The following STX1B variants were observed in gnomAD, a reference collection of about 807,000 sequenced individuals.
STX1B encodes the protein syntaxin 1B, also known as syntaxin-1B.
STX1B carries 7 observed loss-of-function variants against 39.4 expected under a neutral mutation model. The observed-to-expected ratio is 0.18, with a 90% CI of 0.10 to 0.33. The LOEUF is 0.33. Among genes scored for constraint, STX1B ranks in the 10% least tolerant of loss-of-function variants. The probability of loss-of-function intolerance (pLI) is 1.00; values close to 1 mark genes in which losing one functional copy is unlikely to be tolerated. For synonymous variants in STX1B, 136 were observed against 144.1 expected (o/e 0.94, Z 0.40); for missense variants, 198 against 383.2 (o/e 0.52, Z 4.04).
chr16:30,997,725 G>A (rs1413224205), intron 4 of STX1B, 150 bp from the exon 5 acceptor site: 3 of 701,806 alleles, frequency 4.3e-6, no homozygotes, highest in Non-Finnish European at 4.8e-6. Context: ...GGTGCCCCAG[G>A]GTGGTGTTAG....
intron 1 of STX1B, among the ~76,000 whole-genome samples, chr16:31,003,637 T>C (rs1198588652): frequency 2.6e-5 from 4 of 152,136 alleles, no homozygotes; most frequent in Admixed American, 6.6e-5. Context: ...AAAATCTAAT[T>C]TCAATCTCTC....
rs2056628142 is a variant in STX1B at position 31,001,404 on chromosome 16, T to A, written c.105+125A>T. 1 of 826,854 alleles carries A rather than the reference T, an allele frequency of 1.2e-6. No homozygotes were observed. Among genetic ancestry groups the A allele is most frequent in the South Asian group, 1.7e-5 (1 of 58,902 alleles). 51.2% of individuals were successfully genotyped at this position (826,854 alleles called of 1,614,324 possible). The stretch of plus-strand genomic sequence containing the variant: ...CGGGGCTGCGGCTGGGCGGTGGGAC[T>A]AGGGGCTGGGGCTGGGTGCTGGGGC... On this transcript the variant is annotated intron_variant, in intron 2 of 9. Transcript: ENST00000215095. This position sits in a 1 kb window ranked among gnomAD's most constrained non-coding sequence, Gnocchi z 5.5.
intron 4 of STX1B, among the ~76,000 whole-genome samples, chr16:30,998,764 G>A (rs925530473): frequency 2.6e-5 from 4 of 152,102 alleles, no homozygotes; most frequent in Non-Finnish European, 5.9e-5. Flanking sequence ...TTCTTTCTTG[G>A]TCTATTCCTG....
intron 6 of STX1B, 32 bp downstream of exon 6, chr16:30,996,919 G>C: frequency 6.3e-7 from 1 of 1,590,352 alleles, no homozygotes; most frequent in Non-Finnish European, 8.6e-7. Context: ...GCCTCAAGGA[G>C]TTCGGGGTCC....
chr16:31,007,872 T>A (rs914206329), intron 1 of STX1B, among the ~76,000 whole-genome samples: 2 of 152,146 alleles, frequency 1.3e-5, no homozygotes, highest in Non-Finnish European at 2.9e-5. Flanking sequence ...ACAGGCACTC[T>A]TACTTCTCCC....
chr16:30,992,962 G>T lies in STX1B; in HGVS notation c.787-61C>A. ...GAGAGAGATCGACACACGGACAGAT[G>T]CAGGGACAGACAGGGCAGAGGGTGG... is the stretch of plus-strand genomic sequence containing the variant. On this transcript the variant is annotated intron_variant, in intron 9 of 9. Transcript: ENST00000215095. 2.1e-6 allele frequency: 3 copies of T among 1,458,580 alleles called. No homozygotes were observed. In the South Asian group the frequency reaches 3.4e-5, roughly 17 times the overall value. 90.4% of individuals were successfully genotyped at this position (1,458,580 alleles called of 1,614,324 possible).
At position 30,994,255 on chromosome 16, in the gene STX1B, G is replaced by A. The variant is rs148053223; in HGVS notation, c.538-771C>T. ...TGCAGTGAGCCGAGATTGCGCCACT[G>A]CACTCCAGCCTGAGCCACAGAGCGA... On this transcript the variant is annotated intron_variant, in intron 7 of 9. Coordinates refer to ENST00000215095, the MANE Select transcript of STX1B (RefSeq NM_052874.5). Among the ~76,000 whole-genome samples the A allele has an allele frequency of 4.5e-3, 670 of 149,840 alleles. 6 individuals are homozygous for A. The highest frequency in any genetic ancestry group is 0.016 in the African/African-American group (652 of 40,644).
In STX1B at chr16:30,992,921, G is replaced by A. The variant is rs774793380; in HGVS notation, c.787-20C>T. 1.2e-5 allele frequency: 19 copies of A among 1,601,786 alleles called. No individual in the cohort carries two copies. The highest frequency in any genetic ancestry group is 1.6e-5 in the Non-Finnish European group (19 of 1,169,134). On this transcript the variant is annotated intron_variant, in intron 9 of 9. Transcript: ENST00000215095. ...TTTCTTCTGCAGCAGAAAGAGGAGT[G>A]AGACAGGCAGACAGTGAGAGAGATC...
chr16:31,010,385 C>A lies in STX1B; in HGVS notation c.12G>T (p.Arg4=). MKD[R]TQELRSAKDS... Reference sequence around the variant, plus strand: ...AGCTCACACTCCGCAGCTCTTGAGTCCGATCCTTCATCCTGCGACGGCTCC... The same window carrying A: ...AGCTCACACTCCGCAGCTCTTGAGTACGATCCTTCATCCTGCGACGGCTCC... Residue 4 remains arginine (R), a synonymous_variant, in exon 1 of 10, where the codon CGG becomes CGT. Transcript: ENST00000215095. 6.7e-7 allele frequency: 1 copy of A among 1,494,506 alleles called. No individual in the cohort carries two copies. Among genetic ancestry groups the A allele is most frequent in the Non-Finnish European group, 9.0e-7 (1 of 1,107,876 alleles). The allele number at this position is 1,494,506 out of a possible 1,614,324, so 92.6% of individuals were successfully genotyped here. A position where few individuals can be genotyped will look rare whatever the true frequency, so the allele number is the denominator to read the frequency against.
intron 4 of STX1B, 64 bp from the exon 5 acceptor site, chr16:30,997,639 C>A: frequency 6.8e-7 from 1 of 1,469,104 alleles, no homozygotes; most frequent in Non-Finnish European, 9.3e-7. Context: ...GGGTCCGGGG[C>A]GTACGAATGG....
At chr16:31,007,110 C>T (rs778238409) in intron 1 of STX1B, among the ~76,000 whole-genome samples, 8 of 152,122 alleles carry the variant, frequency 5.3e-5, no homozygotes, top group Non-Finnish European at 8.8e-5. Context: ...GACCATGTCT[C>T]TAAAAACATT....
Position 30,993,184 on chromosome 16 carries a change from C to T in STX1B, c.732G>A (p.Glu244=), listed in dbSNP as rs1291261843. Residue 244 remains glutamate, a synonymous_variant, in exon 9 of 10, where the codon GAG becomes GAA. Transcript: ENST00000215095. ...YNVEHSVDYV[E]RAVSDTKKAV... The stretch of plus-strand genomic sequence containing the variant: ...CTTTCTTGGTGTCAGACACAGCTCG[C>T]TCCACGTAGTCCACAGAATGTTCCA... 3 of 1,614,098 alleles carry T rather than the reference C, an allele frequency of 1.9e-6. No homozygotes were observed. The highest frequency in any genetic ancestry group is 1.7e-5 in the Admixed American group (1 of 60,014).
intron 7 of STX1B, among the ~76,000 whole-genome samples, chr16:30,994,395 G>A (rs141744746): frequency 0.016 from 2,245 of 140,842 alleles, 15 homozygotes; most frequent in Non-Finnish European, 0.024. Context: ...GCCAGCCTGG[G>A]CAACATAGTG....
chr16:31,000,000 CTTT>C (rs957640442), intron 4 of STX1B, among the ~76,000 whole-genome samples: 2 of 140,704 alleles, frequency 1.4e-5, no homozygotes, highest in Admixed American at 7.1e-5. Context: ...TGGCAAAGTT[CTTT>C]TTTTTTTTTT....
At position 30,991,946 on chromosome 16, in the gene STX1B, G is replaced by A; in HGVS notation, c.*875C>T. The A allele has an allele frequency of 1.3e-5, 2 of 150,374 alleles. 1 individual carries two copies. 9.3% of individuals were successfully genotyped at this position (150,374 alleles called of 1,614,324 possible). The stretch of plus-strand genomic sequence containing the variant: ...GAGCCCCTAACACACACACACACGT[G>A]CATACACACGCACGCCACACACACA... On this transcript the variant is annotated 3_prime_UTR_variant, in exon 10 of 10. Coordinates refer to ENST00000215095, the MANE Select transcript of STX1B (RefSeq NM_052874.5).
chr16:30,993,257 C>T lies in STX1B; in HGVS notation c.676-17G>A. On this transcript the variant is annotated splice_polypyrimidine_tract_variant and intron_variant, in intron 8 of 9. Transcript: ENST00000215095. ...CATCTCTCCCTGCAGACAGAGGAGA[C>T]ATGCACAGGGAGGGATGGGGGCTGG... The T allele has an allele frequency of 6.2e-7, 1 of 1,613,730 alleles. No individual in the cohort carries two copies. The highest frequency in any genetic ancestry group is 2.2e-5 in the East Asian group (1 of 44,878).
chr16:30,997,605 G>C, intron 4 of STX1B, 30 bp from the exon 5 acceptor site: 1 of 1,583,808 alleles, frequency 6.3e-7, no homozygotes. Context: ...GCGATGGGCG[G>C]GAGACCCGGG....
intron 1 of STX1B, among the ~76,000 whole-genome samples, chr16:31,004,043 CTT>C (rs2143683080): frequency 6.6e-6 from 1 of 152,326 alleles, no homozygotes; most frequent in East Asian, 1.9e-4. Context: ...CCCCCACTGA[CTT>C]TCCGCTCCCA....
chr16:30,992,957 C>G, intron 9 of STX1B, 56 bp from the exon 10 acceptor site: 1 of 1,482,046 alleles, frequency 6.7e-7, no homozygotes, highest in African/African-American at 1.4e-5. Flanking sequence ...GACACACGGA[C>G]AGATGCAGGG....
Sources: allele counts gnomAD v4.1 joint callset (sites outside exome capture counted in the v4.1 genomes callset), GRCh38; gene constraint gnomAD v4.1.1; non-coding constraint Gnocchi (gnomAD v3.1); transcripts MANE v1.5; gene names NCBI Gene and HGNC (gene_info 2026-07-23, HGNC 2026-07-21).